The following RAP1GAP2 variants were observed in gnomAD, a reference collection of about 807,000 sequenced individuals.
The protein encoded by RAP1GAP2 is RAP1 GTPase activating protein 2.
In RAP1GAP2, 27 loss-of-function variants were observed where a neutral mutation model predicts 95.0. The observed-to-expected ratio is 0.28, with a 90% CI of 0.21 to 0.39. The LOEUF (loss-of-function observed/expected upper bound fraction) is 0.39, where lower values mean the gene tolerates loss of function less well. RAP1GAP2 is among the 10% of genes least tolerant of loss of function. The probability of loss-of-function intolerance (pLI) is 1.00; values close to 1 mark genes in which losing one functional copy is unlikely to be tolerated. For synonymous variants in RAP1GAP2, 373 were observed against 380.9 expected, an observed-to-expected ratio of 0.98 and a Z score of 0.24; for missense variants, 771 against 970.0, an observed-to-expected ratio of 0.79 and a Z score of 2.72.
intron 3 of RAP1GAP2, among the ~76,000 whole-genome samples, chr17:2,916,289 T>C (rs541230336): frequency 6.6e-6 from 1 of 152,314 alleles, no homozygotes; most frequent in East Asian, 1.9e-4. Context: ...AGTCCACCGT[T>C]TGGCTCCCGT....
Position 2,963,807 on chromosome 17 carries a change from CCCTCCCCTGCGGTCCCAGGGGAG to C in RAP1GAP2, c.280-47_280-25del. On this transcript the variant is annotated intron_variant, in intron 6 of 24. Transcript: ENST00000254695. This position sits in a 1 kb window ranked among gnomAD's most constrained non-coding sequence, Gnocchi z 4.8. Reference sequence around the variant, plus strand: ...GAGGGGACACCGCCACCGGCCCCCTCCCTCCCCTGCGGTCCCAGGGGAGCGCACGACCCTCCCTCTGCCTTCAG... The same window carrying C: ...GAGGGGACACCGCCACCGGCCCCCTCCGCACGACCCTCCCTCTGCCTTCAG... 6.1e-6 allele frequency: 9 copies of C among 1,468,490 alleles called. No individual in the cohort carries two copies. The South Asian group carries it at 1.2e-4, about 19-fold the overall frequency. The allele number at this position is 1,468,490 out of a possible 1,614,324, so 91.0% of individuals were successfully genotyped here. A position where few individuals can be genotyped will look rare whatever the true frequency, so the allele number is the denominator to read the frequency against.
At position 2,903,999 on chromosome 17, in the gene RAP1GAP2, T is replaced by G. The variant is rs1334268418; in HGVS notation, c.81-1285T>G. 6.6e-6 allele frequency among the ~76,000 whole-genome samples: 1 copy of G among 152,152 alleles called. No homozygotes were observed. The highest frequency in any genetic ancestry group is 1.5e-5 in the Non-Finnish European group (1 of 68,022). Reference sequence around the variant, plus strand: ...GCTGGGAAGAGGGGCAGAAGGATTCTCTGGAGGTGGCAGTGGGGGTGCTTT... The same window carrying G: ...GCTGGGAAGAGGGGCAGAAGGATTCGCTGGAGGTGGCAGTGGGGGTGCTTT... On this transcript the variant is annotated intron_variant, in intron 2 of 24. Transcript: ENST00000254695. This position sits in a 1 kb window ranked among gnomAD's most constrained non-coding sequence, Gnocchi z 4.1.
At chr17:2,824,527 G>A (rs111860961) in intron 2 of RAP1GAP2, among the ~76,000 whole-genome samples, 4,776 of 151,520 alleles carry the variant, frequency 0.032, 179 homozygotes, top group East Asian at 0.15. Context: ...CAGATCACCT[G>A]AGGTCAGGAG....
chr17:2,874,907 G>T (rs550832530), intron 2 of RAP1GAP2, among the ~76,000 whole-genome samples: 1 of 152,224 alleles, frequency 6.6e-6, no homozygotes, highest in African/African-American at 2.4e-5. Context: ...TTCTCAAAAG[G>T]CTGTCTCCAT....
chr17:2,787,705 A>G (rs972307268), intron 1 of RAP1GAP2, among the ~76,000 whole-genome samples: 1 of 151,832 alleles, frequency 6.6e-6, no homozygotes, highest in Non-Finnish European at 1.5e-5. Context: ...GTAGCTGGGA[A>G]TACAGGCGCA....
rs1052909982 is a variant in RAP1GAP2 at position 2,902,708 on chromosome 17, G to A, written c.81-2576G>A. On this transcript the variant is annotated intron_variant, in intron 2 of 24. Transcript: ENST00000254695. This position sits in a 1 kb window ranked among gnomAD's most constrained non-coding sequence, Gnocchi z 4.1. ...CTGGTCAGAAGCTGCCATGTGCTCCGACTTGAGAGTCTGCCTCGCTTCCTA... is the reference window on the plus strand; with the variant it reads ...CTGGTCAGAAGCTGCCATGTGCTCCAACTTGAGAGTCTGCCTCGCTTCCTA... 2.6e-5 allele frequency among the ~76,000 whole-genome samples: 4 copies of A among 152,128 alleles called. No individual in the cohort carries two copies. The highest frequency in any genetic ancestry group is 6.6e-5 in the Admixed American group (1 of 15,256).
At chr17:2,990,765 T>G (rs1269823241) in intron 11 of RAP1GAP2, among the ~76,000 whole-genome samples, 1 of 152,160 alleles carries the variant, frequency 6.6e-6, no homozygotes, top group African/African-American at 2.4e-5. Flanking sequence ...CCTTTATTTT[T>G]CATTGTGGCC....
At chr17:2,886,665 G>A (rs2073515812) in intron 2 of RAP1GAP2, among the ~76,000 whole-genome samples, 1 of 152,180 alleles carries the variant, frequency 6.6e-6, no homozygotes, top group Non-Finnish European at 1.5e-5. Flanking sequence ...ACGCAGCTTT[G>A]CTTGTGGACT....
intron 2 of RAP1GAP2, among the ~76,000 whole-genome samples, chr17:2,886,172 T>TATA (rs528532502): frequency 0.015 from 1,256 of 82,122 alleles, 39 homozygotes; most frequent in African/African-American, 0.041. Context: ...TATATATATA[T>TATA]TTTTTTTTTT....
intron 10 of RAP1GAP2, among the ~76,000 whole-genome samples, chr17:2,982,228 C>T (rs2045388723): frequency 6.6e-6 from 1 of 152,200 alleles, no homozygotes; most frequent in Non-Finnish European, 1.5e-5. Flanking sequence ...CAACCTGCAC[C>T]TCCTGGTTGA....
rs1400648500 is a variant in RAP1GAP2, at chr17:2,904,529, C to CGTGTGTGTGTGTGTGTGTGT, written c.81-755_81-754insGTGTGTGTGTGTGTGTGTGT. 3.0e-5 allele frequency among the ~76,000 whole-genome samples: 1 copy of CGTGTGTGTGTGTGTGTGTGT among 33,648 alleles called. No homozygotes were observed. Among genetic ancestry groups the CGTGTGTGTGTGTGTGTGTGT allele is most frequent in the Non-Finnish European group, 8.8e-5 (1 of 11,420 alleles). 22.1% of individuals were successfully genotyped at this position (33,648 alleles called of 152,430 possible). A position where few individuals can be genotyped will look rare whatever the true frequency, so the allele number is the denominator to read the frequency against. On this transcript the variant is annotated intron_variant, in intron 2 of 24. Transcript: ENST00000254695. This position sits in a 1 kb window ranked among gnomAD's most constrained non-coding sequence, Gnocchi z 4.7. ...CCCGAGGACAGCTTTTTGACCAGGG[C>CGTGTGTGTGTGTGTGTGTGT]CTGTGTGTGTGTGTGTGTGTGTGTG...
At position 2,825,950 on chromosome 17, in the gene RAP1GAP2, G is replaced by A. The variant is rs908176759; in HGVS notation, c.80+25400G>A. On this transcript the variant is annotated intron_variant, in intron 2 of 24. Coordinates refer to ENST00000254695, the MANE Select transcript of RAP1GAP2 (RefSeq NM_015085.5). This position sits in a 1 kb window ranked among gnomAD's most constrained non-coding sequence, Gnocchi z 4.1. ...TCCCTAGGAAGAGAAGGTTGCAGGG[G>A]GCATTTTTTTTCTTTTTTCTTTCTT... 3.3e-5 allele frequency among the ~76,000 whole-genome samples: 4 copies of A among 120,568 alleles called. No individual in the cohort carries two copies. The highest frequency in any genetic ancestry group is 7.7e-5 in the Non-Finnish European group (4 of 51,866). The allele number at this position is 120,568 out of a possible 152,430, so 79.1% of individuals were successfully genotyped here.
At chr17:2,907,767 T>C (rs1278903171) in intron 3 of RAP1GAP2, among the ~76,000 whole-genome samples, 1 of 152,084 alleles carries the variant, frequency 6.6e-6, no homozygotes, top group African/African-American at 2.4e-5. Flanking sequence ...CCCTTAGAAA[T>C]GCAGAATCTC....
intron 10 of RAP1GAP2, among the ~76,000 whole-genome samples, chr17:2,984,505 G>A (rs1049925199): frequency 3.3e-5 from 5 of 152,154 alleles, no homozygotes; most frequent in Non-Finnish European, 5.9e-5. Context: ...TTCCTCCTTA[G>A]CGTGGTCTCC....
intron 12 of RAP1GAP2, among the ~76,000 whole-genome samples, chr17:2,994,678 G>A (rs574400302): frequency 6.6e-6 from 1 of 152,212 alleles, no homozygotes; most frequent in Non-Finnish European, 1.5e-5. Flanking sequence ...AAAGGCCGGC[G>A]CCCCACCTTG....
exon 1 of RAP1GAP2, chr17:2,755,741 G>A (rs1253726705): frequency 8.6e-6 from 3 of 349,516 alleles, no homozygotes; most frequent in African/African-American, 4.3e-5. Flanking sequence ...GGGCGCCGGG[G>A]GAGAAGCGCT....
At chr17:2,848,802 C>T (rs895335580) in intron 2 of RAP1GAP2, among the ~76,000 whole-genome samples, 7 of 152,328 alleles carry the variant, frequency 4.6e-5, no homozygotes, top group African/African-American at 1.4e-4. Flanking sequence ...GCGTGAGCCA[C>T]CGCACCCGGC....
At chr17:2,781,912 CTGTG>C (rs1355981538) in intron 1 of RAP1GAP2, among the ~76,000 whole-genome samples, 7 of 151,988 alleles carry the variant, frequency 4.6e-5, no homozygotes, top group East Asian at 1.9e-4. Context: ...GTGCAGGTCT[CTGTG>C]TGGGCACGTC....
At chr17:3,026,604 C>T (rs1254566963) in intron 21 of RAP1GAP2, 140 bp downstream of exon 21, 1 of 817,618 alleles carries the variant, frequency 1.2e-6, no homozygotes, top group African/African-American at 1.7e-5. Context: ...GAGAGGTGGG[C>T]TCGTTGGCCA....
Sources: allele counts gnomAD v4.1 joint callset (sites outside exome capture counted in the v4.1 genomes callset), GRCh38; gene constraint gnomAD v4.1.1; non-coding constraint Gnocchi (gnomAD v3.1); transcripts MANE v1.5; gene names NCBI Gene and HGNC (gene_info 2026-07-23, HGNC 2026-07-21).